ITGAE: variants seen among roughly 807,000 people sequenced by gnomAD.
ITGAE encodes integrin subunit alpha E, also known as integrin alpha-E.
ITGAE carries 99 observed loss-of-function variants against 136.5 expected under a neutral mutation model. The ratio of observed to expected loss-of-function variants is 0.73; its 90% CI spans 0.62 to 0.86. The LOEUF is 0.86. ITGAE is among the 40% of genes least tolerant of loss of function. ITGAE has a pLI of 0.00. For synonymous variants in ITGAE, 613 were observed against 591.8 expected, an observed-to-expected ratio of 1.04 and a Z score of -0.52; for missense variants, 1,447 against 1,515.3, an observed-to-expected ratio of 0.95 and a Z score of 0.75.
intron 3 of ITGAE, among the ~76,000 whole-genome samples, 157 bp downstream of exon 3, chr17:3,763,712 C>T (rs1217224825): frequency 6.6e-6 from 1 of 151,618 alleles, no homozygotes; most frequent in Non-Finnish European, 1.5e-5. Flanking sequence ...TGGGACTGGG[C>T]ATTGGGATGG....
At chr17:3,723,231 G>T in intron 28 of ITGAE, 57 bp downstream of exon 28, 1 of 1,131,358 alleles carries the variant, frequency 8.8e-7, no homozygotes, top group Non-Finnish European at 1.4e-6. Context: ...TCTCTTCTAG[G>T]GGCGATGCCC....
chr17:3,797,141 ATATATATATATATATATTT>A (rs1487326909), intron 1 of ITGAE, among the ~76,000 whole-genome samples: 2 of 35,630 alleles, frequency 5.6e-5, no homozygotes, highest in African/African-American at 1.5e-4. Context: ...TGGAAACTAA[ATATATATATATATATATTT>A]TTTTTTTTTT....
In ITGAE at chr17:3,751,655, AG is replaced by A; in HGVS notation, c.1887del (p.Ser630ArgfsTer53). The stretch of plus-strand genomic sequence containing the variant: ...GAGAGGGCCCCATGGGTCACCTGCG[AG>A]GGGCTGGCGGAGAGGCCGTCCCAGT... ...NGHWDGLSAS[P>X]SQRIRASTVA... On this transcript the variant is annotated frameshift_variant, in exon 15 of 31. Coordinates refer to ENST00000263087, the MANE Select transcript of ITGAE (RefSeq NM_002208.5). LOFTEE classifies it high-confidence loss of function. The A allele has an allele frequency of 6.2e-7, 1 of 1,613,580 alleles. No individual in the cohort carries two copies. The highest frequency in any genetic ancestry group is 8.5e-7 in the Non-Finnish European group (1 of 1,179,666).
intron 20 of ITGAE, among the ~76,000 whole-genome samples, chr17:3,738,331 CA>C (rs1438181225): frequency 2.6e-5 from 4 of 152,090 alleles, no homozygotes; most frequent in Non-Finnish European, 2.9e-5. Flanking sequence ...CCACCATGCC[CA>C]GCTAATTTTT....
At chr17:3,789,423 T>C (rs903054976) in intron 1 of ITGAE, among the ~76,000 whole-genome samples, 1 of 152,134 alleles carries the variant, frequency 6.6e-6, no homozygotes, top group Non-Finnish European at 1.5e-5. Context: ...ACTTCTTGTC[T>C]TTTAAGTTTT....
At chr17:3,735,057 G>T in intron 20 of ITGAE, 108 bp from the exon 21 acceptor site, 1 of 1,237,980 alleles carries the variant, frequency 8.1e-7, no homozygotes, top group Non-Finnish European at 1.2e-6. Context: ...GTGGTGCAAT[G>T]ATCACGGCTC....
chr17:3,715,129 T>C (rs2050918014), intron 30 of ITGAE, among the ~76,000 whole-genome samples, 187 bp from the exon 31 acceptor site: 3 of 152,182 alleles, frequency 2.0e-5, no homozygotes. Context: ...CTGGTGCTCA[T>C]CCCTCAATCA....
At chr17:3,754,982 C>CTGTACTGCGCAGCCT in intron 12 of ITGAE, 135 bp downstream of exon 12, 1 of 1,017,974 alleles carries the variant, frequency 9.8e-7, no homozygotes, top group Non-Finnish European at 1.3e-6. Flanking sequence ...ACCCAGGTAG[C>CTGTACTGCGCAGCCT]CCCCAGGCCC....
In ITGAE at chr17:3,744,446, CTT is replaced by C. The variant is rs34809324; in HGVS notation, c.2320-831_2320-830del. Among the ~76,000 whole-genome samples, 111 of 128,214 alleles carry C rather than the reference CTT, an allele frequency of 8.7e-4. 1 individual carries two copies. Among genetic ancestry groups the C allele is most frequent in the Admixed American group, 1.4e-3 (17 of 12,310 alleles). The allele number at this position is 128,214 out of a possible 152,430, so 84.1% of individuals were successfully genotyped here. On this transcript the variant is annotated intron_variant, in intron 18 of 30. Coordinates refer to ENST00000263087, the MANE Select transcript of ITGAE (RefSeq NM_002208.5). ...CACCTGGGTTTATCAAGTTCTTTCT[CTT>C]TTTTTTTTTTTTTTTTGAGATGGAG...
intron 30 of ITGAE, among the ~76,000 whole-genome samples, chr17:3,716,093 G>A (rs2737130): frequency 0.13 from 20,204 of 151,652 alleles, 4,522 homozygotes; most frequent in African/African-American, 0.46. Context: ...GGGTCAGGGT[G>A]GGGGGAAGGG....
At chr17:3,771,209 C>T (rs2052412411) in intron 2 of ITGAE, among the ~76,000 whole-genome samples, 1 of 152,088 alleles carries the variant, frequency 6.6e-6, no homozygotes, top group Non-Finnish European at 1.5e-5. Context: ...CACAATGTAA[C>T]CCTGGCAACC....
chr17:3,771,836 C>T (rs776335156), intron 2 of ITGAE, among the ~76,000 whole-genome samples: 3 of 152,118 alleles, frequency 2.0e-5, no homozygotes, highest in Admixed American at 6.5e-5. Context: ...CGCGCCCAGC[C>T]GGGTGTGCAT....
chr17:3,728,965 G>A (rs1243538093), intron 24 of ITGAE, among the ~76,000 whole-genome samples: 2 of 151,696 alleles, frequency 1.3e-5, no homozygotes, highest in Admixed American at 6.6e-5. Flanking sequence ...GAACCTGGGC[G>A]GCAGAGGTTG....
At chr17:3,736,423 TAG>T (rs1261858575) in intron 20 of ITGAE, among the ~76,000 whole-genome samples, 6 of 152,228 alleles carry the variant, frequency 3.9e-5, no homozygotes, top group Non-Finnish European at 8.8e-5. Context: ...ACTGTGACCC[TAG>T]GTGAGGTACT....
At chr17:3,795,494 G>A (rs1248638025) in intron 1 of ITGAE, among the ~76,000 whole-genome samples, 1 of 152,258 alleles carries the variant, frequency 6.6e-6, no homozygotes, top group Non-Finnish European at 1.5e-5. Flanking sequence ...GGCTCAGAGA[G>A]GGGTGTGGTT....
In ITGAE at chr17:3,760,268, G is replaced by A. The variant is rs751880150; in HGVS notation, c.618C>T (p.Ile206=). ...GATCAATGCTTCCTGAGCCATCCAG[G>A]ATGATGGCAATCTCGGTGCCTGGCC... The part of the protein sequence containing the change: ...EEEAGTEIAI[I]LDGSGSIDPP... Residue 206 remains isoleucine (I), a synonymous_variant, in exon 7 of 31, where the codon ATC becomes ATT. Coordinates refer to ENST00000263087, the MANE Select transcript of ITGAE (RefSeq NM_002208.5). 2.5e-6 allele frequency: 4 copies of A among 1,612,838 alleles called. No individual in the cohort carries two copies. The highest frequency in any genetic ancestry group is 3.4e-6 in the Non-Finnish European group (4 of 1,179,154).
At chr17:3,762,080 C>T in intron 3 of ITGAE, 98 bp from the exon 4 acceptor site, 3 of 964,096 alleles carry the variant, frequency 3.1e-6, no homozygotes, top group Non-Finnish European at 4.8e-6. Flanking sequence ...TGGTCAGGCC[C>T]CCATGAGGAA....
At chr17:3,759,337 T>TGCGGTTCTGTGG in intron 8 of ITGAE, 65 bp downstream of exon 8, 1 of 1,575,504 alleles carries the variant, frequency 6.3e-7, no homozygotes, top group Non-Finnish European at 8.7e-7. Context: ...AGCCACTTCC[T>TGCGGTTCTGTGG]CCATGAGTGA....
intron 26 of ITGAE, chr17:3,726,615 C>T: frequency 2.5e-6 from 1 of 394,186 alleles, no homozygotes; most frequent in African/African-American, 2.0e-5. Context: ...ATCGCTTGAG[C>T]CCAAGAGTTC....
Sources: allele counts gnomAD v4.1 joint callset (sites outside exome capture counted in the v4.1 genomes callset), GRCh38; gene constraint gnomAD v4.1.1; transcripts MANE v1.5; gene names NCBI Gene and HGNC (gene_info 2026-07-23, HGNC 2026-07-21).